The following FANCL variants were observed in gnomAD, a reference collection of about 807,000 sequenced individuals.
FANCL encodes E3 ubiquitin-protein ligase FANCL.
FANCL carries 69 observed loss-of-function variants against 59.4 expected under a neutral mutation model. That is an observed-to-expected ratio of 1.16 (90% confidence interval 0.96 to 1.42). The LOEUF (loss-of-function observed/expected upper bound fraction) is 1.42. Among genes scored for constraint, FANCL ranks in the 40% most tolerant of loss-of-function variants. FANCL has a pLI of 0.00. For missense variants in FANCL, 519 were observed against 447.2 expected, an observed-to-expected ratio of 1.16 and a Z score of -1.45; for synonymous variants, 180 against 147.1, an observed-to-expected ratio of 1.22 and a Z score of -1.62.
intron 4 of FANCL, among the ~76,000 whole-genome samples, chr2:58,225,532 T>A (rs930303585): frequency 6.6e-6 from 1 of 152,012 alleles, no homozygotes; most frequent in Non-Finnish European, 1.5e-5. Flanking sequence ...AAACTTTATA[T>A]TGAATGGATC....
chr2:58,241,366 C>A (rs757842951), upstream of FANCL: 79 of 1,561,650 alleles, frequency 5.1e-5, no homozygotes, highest in Non-Finnish European at 6.6e-5. Context: ...GGGTCCTGCA[C>A]ATGCGCAGTC....
chr2:58,159,633 T>TTATCGCATCA lies in FANCL; in HGVS notation c.*122_*131dup, dbSNP rs1558724585. 6.2e-7 allele frequency: 1 copy of TTATCGCATCA among 1,613,804 alleles called. No individual in the cohort carries two copies. On this transcript the variant is annotated 3_prime_UTR_variant, in exon 14 of 14. Transcript: ENST00000233741. ...AAGAGACAAACGCAGATGTTTATTA[T>TTATCGCATCA]TATCGCATCATCATACCTGTCCTTT...
At chr2:58,182,562 A>C (rs968747823) in intron 7 of FANCL, among the ~76,000 whole-genome samples, 2 of 151,852 alleles carry the variant, frequency 1.3e-5, no homozygotes, top group Non-Finnish European at 2.9e-5. Flanking sequence ...ATTTGTAAGA[A>C]ATAAAACCCA....
At position 58,197,142 on chromosome 2, in the gene FANCL, G is replaced by T. The variant is rs1689515125; in HGVS notation, c.540+1452C>A. On this transcript the variant is annotated intron_variant, in intron 7 of 13. Transcript: ENST00000233741. ...ATGTTTTCTCAACTTCCATTGTGGG[G>T]AGATTGGGACTTTAAAAAAAAAAAC... Among the ~76,000 whole-genome samples, 4 of 150,604 alleles carry T rather than the reference G, an allele frequency of 2.7e-5. No individual in the cohort carries two copies. The South Asian group carries it at 6.3e-4, about 24-fold the overall frequency.
At chr2:58,204,091 T>C (rs779054490) in intron 6 of FANCL, 39 bp downstream of exon 6, 2 of 1,471,566 alleles carry the variant, frequency 1.4e-6, no homozygotes, top group Admixed American at 1.7e-5. Context: ...TTTCACAAAG[T>C]ATTTTCTGAT....
chr2:58,163,600 GCTAC>G, intron 8 of FANCL, 83 bp from the exon 9 acceptor site: 1 of 845,614 alleles, frequency 1.2e-6, no homozygotes, highest in Non-Finnish European at 2.0e-6. Flanking sequence ...TGTTGGTCTG[GCTAC>G]CTATTTCACT....
chr2:58,234,219 T>C (rs996036265), intron 1 of FANCL, among the ~76,000 whole-genome samples: 1 of 151,880 alleles, frequency 6.6e-6, no homozygotes, highest in Non-Finnish European at 1.5e-5. Flanking sequence ...AAACAAATTA[T>C]AATAATAAAT....
chr2:58,165,033 G>T (rs774375375), intron 8 of FANCL, among the ~76,000 whole-genome samples: 8 of 151,752 alleles, frequency 5.3e-5, no homozygotes, highest in South Asian at 2.1e-4. Flanking sequence ...AAAAGAAATG[G>T]GTATCTTAAA....
intron 7 of FANCL, among the ~76,000 whole-genome samples, chr2:58,193,568 G>A (rs551708573): frequency 7.9e-5 from 12 of 152,174 alleles, no homozygotes; most frequent in African/African-American, 2.6e-4. Context: ...TCCCTTTGAT[G>A]TCTTTTCAGC....
At chr2:58,202,827 G>A (rs1368312441) in intron 6 of FANCL, among the ~76,000 whole-genome samples, 2 of 151,778 alleles carry the variant, frequency 1.3e-5, no homozygotes, top group Admixed American at 6.6e-5. Flanking sequence ...CAAATTTACA[G>A]CAACATCTTC....
chr2:58,169,008 G>A (rs751713797), intron 7 of FANCL, among the ~76,000 whole-genome samples: 6 of 152,200 alleles, frequency 3.9e-5, no homozygotes, highest in Non-Finnish European at 7.4e-5. Flanking sequence ...GGAAAGGGGC[G>A]GCTGTGGGCA....
chr2:58,176,876 A>G (rs1368348027), intron 7 of FANCL, among the ~76,000 whole-genome samples: 2 of 152,070 alleles, frequency 1.3e-5, no homozygotes, highest in Non-Finnish European at 2.9e-5. Context: ...TTCGCAACCT[A>G]CTCATCTGAC....
chr2:58,239,674 G>A (rs1694334213), intron 1 of FANCL, among the ~76,000 whole-genome samples: 1 of 152,086 alleles, frequency 6.6e-6, no homozygotes, highest in Admixed American at 6.5e-5. Context: ...GTGTGTCCTC[G>A]TTCTTATGAA....
chr2:58,200,212 C>T (rs1689859801), intron 6 of FANCL, among the ~76,000 whole-genome samples: 1 of 151,856 alleles, frequency 6.6e-6, no homozygotes, highest in Non-Finnish European at 1.5e-5. Context: ...GCTGTAATCA[C>T]TGGAAAAACA....
At chr2:58,176,018 T>A (rs529308052) in intron 7 of FANCL, among the ~76,000 whole-genome samples, 2 of 152,226 alleles carry the variant, frequency 1.3e-5, no homozygotes, top group South Asian at 4.2e-4. Flanking sequence ...ATGAGTGAAC[T>A]CCCATTCACA....
intron 1 of FANCL, among the ~76,000 whole-genome samples, chr2:58,240,900 A>C (rs967778445): frequency 6.6e-6 from 1 of 152,216 alleles, no homozygotes; most frequent in Non-Finnish European, 1.5e-5. Flanking sequence ...TTACAAAAAA[A>C]AAATTAAAAA....
chr2:58,207,129 G>A (rs1690664665), intron 5 of FANCL, among the ~76,000 whole-genome samples: 1 of 152,156 alleles, frequency 6.6e-6, no homozygotes, highest in Non-Finnish European at 1.5e-5. Flanking sequence ...CACAAGTGAT[G>A]TGTGCTTTTG....
intron 7 of FANCL, among the ~76,000 whole-genome samples, chr2:58,179,951 G>A (rs1402485438): frequency 1.3e-5 from 2 of 152,116 alleles, no homozygotes; most frequent in African/African-American, 4.8e-5. Context: ...CATTTATGCG[G>A]CCAACAAACA....
At chr2:58,174,289 T>A (rs1438480836) in intron 7 of FANCL, among the ~76,000 whole-genome samples, 1 of 152,178 alleles carries the variant, frequency 6.6e-6, no homozygotes, top group East Asian at 1.9e-4. Flanking sequence ...CAAGCAGACC[T>A]AATAGAAATC....
Sources: gnomAD v4.1 joint callset for allele counts (sites outside exome capture counted in the v4.1 genomes callset) on GRCh38, gnomAD v4.1.1 for gene constraint, MANE v1.5 for transcripts, NCBI Gene and HGNC (gene_info 2026-07-23, HGNC 2026-07-21) for gene names.